Variants in SLC25A26 observed in about 807,000 individuals in gnomAD.
SLC25A26 encodes solute carrier family 25 member 26.
A neutral mutation model predicts 37.8 loss-of-function variants in SLC25A26; 36 were observed. The observed-to-expected ratio is 0.95, with a 90% CI of 0.73 to 1.26. The LOEUF (loss-of-function observed/expected upper bound fraction) is 1.26. SLC25A26 is among the 50% of genes most tolerant of loss of function. SLC25A26 has a pLI of 0.00. For synonymous variants in SLC25A26, 129 were observed against 122.5 expected (o/e 1.05, Z -0.35); for missense variants, 390 against 331.1 (o/e 1.18, Z -1.38).
At chr3:66,367,730 A>C (rs1313029098) in intron 7 of SLC25A26, among the ~76,000 whole-genome samples, 1 of 151,796 alleles carries the variant, frequency 6.6e-6, no homozygotes, top group Non-Finnish European at 1.5e-5. Context: ...AGAGAGAGAG[A>C]GACAGATAGT....
chr3:66,208,770 A>G (rs1339393415), intron 1 of SLC25A26, among the ~76,000 whole-genome samples: 2 of 133,994 alleles, frequency 1.5e-5, no homozygotes, highest in Non-Finnish European at 3.2e-5. Context: ...ATATGGGTGT[A>G]TATATATATA....
chr3:66,151,232 G>A (rs1263571451), intron 1 of SLC25A26, among the ~76,000 whole-genome samples: 1 of 152,158 alleles, frequency 6.6e-6, no homozygotes, highest in Non-Finnish European at 1.5e-5. Context: ...TATGTGCCAA[G>A]TCAGCCTTAC....
chr3:66,224,576 A>C (rs1304173779), intron 1 of SLC25A26, among the ~76,000 whole-genome samples: 1 of 152,150 alleles, frequency 6.6e-6, no homozygotes, highest in Non-Finnish European at 1.5e-5. Context: ...TTGGGTGGGG[A>C]CACAGAGCCA....
chr3:66,155,133 T>C (rs940578086), intron 1 of SLC25A26, among the ~76,000 whole-genome samples: 3 of 152,228 alleles, frequency 2.0e-5, no homozygotes, highest in Non-Finnish European at 4.4e-5. Flanking sequence ...CAGGACAGTG[T>C]CTAGTTTTTG....
intron 5 of SLC25A26, among the ~76,000 whole-genome samples, chr3:66,276,854 G>A (rs181128474): frequency 2.2e-4 from 33 of 149,122 alleles, no homozygotes; most frequent in African/African-American, 7.9e-4. Context: ...GTGCAAAACT[G>A]ACATTATAGA....
At chr3:66,324,625 A>C (rs913304418) in intron 5 of SLC25A26, among the ~76,000 whole-genome samples, 9 of 152,264 alleles carry the variant, frequency 5.9e-5, no homozygotes, top group African/African-American at 1.9e-4. Context: ...CTTTATTTCA[A>C]AGTTAAACTC....
intron 7 of SLC25A26, among the ~76,000 whole-genome samples, chr3:66,364,271 A>G (rs2076777303): frequency 6.6e-6 from 1 of 151,880 alleles, no homozygotes; most frequent in Admixed American, 6.5e-5. Context: ...ATACTCTGTA[A>G]TAGACACTAA....
intron 1 of SLC25A26, among the ~76,000 whole-genome samples, chr3:66,146,244 G>A (rs1306323564): frequency 6.6e-6 from 1 of 151,836 alleles, no homozygotes; most frequent in Admixed American, 6.6e-5. Flanking sequence ...GGAGGCTAAG[G>A]CAGGAGAATC....
intron 1 of SLC25A26, among the ~76,000 whole-genome samples, chr3:66,183,387 C>A (rs989881117): frequency 6.6e-6 from 1 of 152,038 alleles, no homozygotes; most frequent in Non-Finnish European, 1.5e-5. Context: ...TATAGGCAGA[C>A]TCTAACTCTG....
chr3:66,181,866 C>T (rs185657543), intron 1 of SLC25A26, among the ~76,000 whole-genome samples: 2 of 143,812 alleles, frequency 1.4e-5, no homozygotes, highest in Admixed American at 1.5e-4. Context: ...CCTGGACCTG[C>T]GTGTCTTTTC....
intron 1 of SLC25A26, among the ~76,000 whole-genome samples, chr3:66,182,089 G>A (rs780230675): frequency 3.9e-5 from 6 of 152,230 alleles, no homozygotes; most frequent in South Asian, 2.1e-4. Flanking sequence ...AAACTGACAC[G>A]AAGCACAGGC....
intron 3 of SLC25A26, 23 bp from the exon 4 acceptor site, chr3:66,262,028 A>G (rs1264390997): frequency 2.8e-6 from 4 of 1,411,264 alleles, no homozygotes; most frequent in Middle Eastern, 3.5e-4. Flanking sequence ...ACTTTTTAGG[A>G]TATAATCAAA....
In SLC25A26 at chr3:66,300,251, G is replaced by GTTTTTTTTTTT. The variant is rs1309490705; in HGVS notation, c.453+36876_453+36877insTTTTTTTTTTT. ...TGGACTTCTAGGCTAGGGTTTTTTTGTTTTGTTTTTTTTTTTTTTTTTGGT... is the reference window on the plus strand; with the variant it reads ...TGGACTTCTAGGCTAGGGTTTTTTTGTTTTTTTTTTTTTTTGTTTTTTTTTTTTTTTTTGGT... On this transcript the variant is annotated intron_variant, in intron 5 of 9. Transcript: ENST00000354883. Among the ~76,000 whole-genome samples, 108 of 111,580 alleles carry GTTTTTTTTTTT rather than the reference G, an allele frequency of 9.7e-4. 4 individuals are homozygous for GTTTTTTTTTTT. Among genetic ancestry groups the GTTTTTTTTTTT allele is most frequent in the Non-Finnish European group, 1.5e-3 (79 of 51,916 alleles). 73.2% of individuals were successfully genotyped at this position (111,580 alleles called of 152,430 possible). A position where few individuals can be genotyped will look rare whatever the true frequency, so the allele number is the denominator to read the frequency against.
chr3:66,299,983 G>C (rs929033837), intron 5 of SLC25A26, among the ~76,000 whole-genome samples: 1 of 152,130 alleles, frequency 6.6e-6, no homozygotes, highest in Admixed American at 6.6e-5. Context: ...GAGCCATCTG[G>C]AACTTTATTT....
intron 5 of SLC25A26, among the ~76,000 whole-genome samples, chr3:66,321,044 T>C (rs2075680018): frequency 6.6e-6 from 1 of 152,092 alleles, no homozygotes; most frequent in South Asian, 2.1e-4. Context: ...GGAGGCCCCA[T>C]GATGGGATTA....
chr3:66,373,537 G>A (rs1029948045), intron 9 of SLC25A26, among the ~76,000 whole-genome samples: 69 of 152,072 alleles, frequency 4.5e-4, no homozygotes, highest in African/African-American at 1.6e-3. Flanking sequence ...CCCACAGCTC[G>A]GCATCTGCTG....
intron 5 of SLC25A26, among the ~76,000 whole-genome samples, chr3:66,341,607 A>G (rs2076210716): frequency 6.6e-6 from 1 of 152,198 alleles, no homozygotes; most frequent in Non-Finnish European, 1.5e-5. Context: ...GATTTACTTA[A>G]CAGTCAAACT....
At chr3:66,239,806 T>C (rs1175024258) in intron 2 of SLC25A26, among the ~76,000 whole-genome samples, 1 of 147,704 alleles carries the variant, frequency 6.8e-6, no homozygotes, top group African/African-American at 2.5e-5. Flanking sequence ...TTAATGAGTT[T>C]CCTTTCTTTC....
chr3:66,205,046 T>C (rs1481514733), intron 1 of SLC25A26, among the ~76,000 whole-genome samples: 3 of 152,198 alleles, frequency 2.0e-5, no homozygotes, highest in Admixed American at 6.5e-5. Flanking sequence ...GTTAGTTATT[T>C]GTTTTATTTG....
Sources: gnomAD v4.1 joint callset for allele counts (sites outside exome capture counted in the v4.1 genomes callset) on GRCh38, gnomAD v4.1.1 for gene constraint, MANE v1.5 for transcripts, NCBI Gene and HGNC (gene_info 2026-07-23, HGNC 2026-07-21) for gene names.